The following SPTB variants were observed in gnomAD, a reference collection of about 807,000 sequenced individuals.
SPTB encodes spectrin beta, erythrocytic.
In SPTB, 45 loss-of-function variants were observed where a neutral mutation model predicts 256.2. That is an observed-to-expected ratio of 0.18 (90% confidence interval 0.14 to 0.23). SPTB has a LOEUF of 0.23. SPTB is among the 10% of genes least tolerant of loss of function. The probability of loss-of-function intolerance (pLI) is 1.00; values close to 1 mark genes in which losing one functional copy is unlikely to be tolerated. For missense variants in SPTB, 2,715 were observed against 3,040.4 expected (o/e 0.89, Z 2.52); for synonymous variants, 1,231 against 1,243.1 (o/e 0.99, Z 0.21).
In SPTB at chr14:64,782,436, G is replaced by A. The variant is rs1221558226; in HGVS notation, c.4120C>T (p.His1374Tyr). The A allele has an allele frequency of 6.2e-7, 1 of 1,614,022 alleles. No individual in the cohort carries two copies. Among genetic ancestry groups the A allele is most frequent in the Admixed American group, 1.7e-5 (1 of 60,012 alleles). ...LQATTKEKTQHLSAARSSDLR... is the reference protein window; with the variant it reads ...LQATTKEKTQYLSAARSSDLR... ...TCGGAGCTCCTGGCAGCCGAGAGGT[G>A]CTGGGTCTTCTCCTTTGTGGTGGCC... The change falls in exon 20 of 36, where the codon CAC becomes TAC. Residue 1374 changes from histidine to tyrosine, a missense_variant. Coordinates refer to ENST00000644917, the MANE Select transcript of SPTB (RefSeq NM_001355436.2).
chr14:64,868,869 A>G (rs1439761883), intron 1 of SPTB, among the ~76,000 whole-genome samples: 1 of 152,214 alleles, frequency 6.6e-6, no homozygotes, highest in African/African-American at 2.4e-5. Flanking sequence ...ATGTCAAATA[A>G]CTACATTGGA....
intron 1 of SPTB, among the ~76,000 whole-genome samples, chr14:64,829,161 AATTT>A (rs2083414082): frequency 6.6e-6 from 1 of 152,196 alleles, no homozygotes; most frequent in Non-Finnish European, 1.5e-5. Flanking sequence ...GTTGAACCTG[AATTT>A]ATTAATAATT....
rs2285004 is a variant in SPTB, at chr14:64,806,141, G to C, written c.149-1051C>G. On this transcript the variant is annotated intron_variant, in intron 2 of 35. Transcript: ENST00000644917. This position sits in a 1 kb window ranked among gnomAD's most constrained non-coding sequence, Gnocchi z 4.1. ...AGACTGGGATGGCACAAAAAAAAGA[G>C]AGAGAAAAGGATAGAGGAGGGGAGA... Among the ~76,000 whole-genome samples, 2 of 150,850 alleles carry C rather than the reference G, an allele frequency of 1.3e-5. No individual in the cohort carries two copies. The highest frequency in any genetic ancestry group is 2.5e-5 in the African/African-American group (1 of 40,660).
intron 33 of SPTB, chr14:64,752,377 CAGAG>C (rs66500825): frequency 0.11 from 78,037 of 730,980 alleles, 5,029 homozygotes; most frequent in African/African-American, 0.16. Flanking sequence ...TCTGGAAGGT[CAGAG>C]AGAGAAACTG....
chr14:64,858,469 T>C (rs568821623), intron 1 of SPTB, among the ~76,000 whole-genome samples: 2 of 152,036 alleles, frequency 1.3e-5, no homozygotes, highest in Non-Finnish European at 2.9e-5. Flanking sequence ...TCAGGAGCAG[T>C]AGGAGGCCCT....
chr14:64,794,283 G>A (rs374805122), intron 13 of SPTB, among the ~76,000 whole-genome samples, 184 bp downstream of exon 13: 7 of 152,310 alleles, frequency 4.6e-5, no homozygotes, highest in East Asian at 1.9e-4. Context: ...ATAGGTTACC[G>A]AAGCAGTTGC....
At chr14:64,865,560 TA>T (rs1366661268) in intron 1 of SPTB, among the ~76,000 whole-genome samples, 1 of 152,100 alleles carries the variant, frequency 6.6e-6, no homozygotes, top group Admixed American at 6.5e-5. Context: ...TGAGAGCAGC[TA>T]AACCAAGGCT....
Position 64,790,574 on chromosome 14 carries a change from C to T in SPTB, c.2804+1145G>A, listed in dbSNP as rs760983650. Among the ~76,000 whole-genome samples, 15 of 152,264 alleles carry T rather than the reference C, an allele frequency of 9.9e-5. No homozygotes were observed. Among genetic ancestry groups the T allele is most frequent in the Non-Finnish European group, 1.6e-4 (11 of 68,052 alleles). On this transcript the variant is annotated intron_variant, in intron 15 of 35. Coordinates refer to ENST00000644917, the MANE Select transcript of SPTB (RefSeq NM_001355436.2). This position sits in a 1 kb window ranked among gnomAD's most constrained non-coding sequence, Gnocchi z 4.8. Reference sequence around the variant, plus strand: ...TAAGACAATCATCCCATTCTAGTGGCTCTAAAGAATTCTGGTCATCGCTGC... The same window carrying T: ...TAAGACAATCATCCCATTCTAGTGGTTCTAAAGAATTCTGGTCATCGCTGC...
rs1286869604 is a variant in SPTB, at chr14:64,777,372, G to A, written c.4563+1785C>T. ...CCTGATTGCCCACTGAATAATCCAG[G>A]GAAACAGATGCAGCTAGGGGCCTAC... is the stretch of plus-strand genomic sequence containing the variant. On this transcript the variant is annotated intron_variant, in intron 22 of 35. Transcript: ENST00000644917. This position sits in a 1 kb window ranked among gnomAD's most constrained non-coding sequence, Gnocchi z 4.5. 6.6e-6 allele frequency among the ~76,000 whole-genome samples: 1 copy of A among 152,176 alleles called. No individual in the cohort carries two copies. Among genetic ancestry groups the A allele is most frequent in the Non-Finnish European group, 1.5e-5 (1 of 68,030 alleles).
Position 64,760,501 on chromosome 14 carries a change from G to A in SPTB, c.6345+6225C>T, listed in dbSNP as rs2082078304. On this transcript the variant is annotated intron_variant, in intron 32 of 35. Coordinates refer to ENST00000644917, the MANE Select transcript of SPTB (RefSeq NM_001355436.2). This position sits in a 1 kb window ranked among gnomAD's most constrained non-coding sequence, Gnocchi z 4.3. ...GATGCATTTACAAGCAAAGAACACA[G>A]GCGACAAGGTCTTCTCTCTAAAGGT... is the stretch of plus-strand genomic sequence containing the variant. Among the ~76,000 whole-genome samples, 1 of 152,172 alleles carries A rather than the reference G, an allele frequency of 6.6e-6. No homozygotes were observed. The highest frequency in any genetic ancestry group is 2.4e-5 in the African/African-American group (1 of 41,454).
At position 64,826,189 on chromosome 14, in the gene SPTB, G is replaced by T. The variant is rs533881556; in HGVS notation, c.-51-3044C>A. Among the ~76,000 whole-genome samples, 5 of 152,238 alleles carry T rather than the reference G, an allele frequency of 3.3e-5. No individual in the cohort carries two copies. The South Asian group carries it at 8.3e-4, about 25-fold the overall frequency. ...GGAAGGGAAGCTCTCGGAGAATCAG[G>T]TGTAAGAGGCAGGAAGGAAATAAAT... On this transcript the variant is annotated intron_variant, in intron 1 of 35. Coordinates refer to ENST00000644917, the MANE Select transcript of SPTB (RefSeq NM_001355436.2). The surrounding 1 kb of genome is among the most constrained non-coding windows in gnomAD (Gnocchi z 4.4).
intron 1 of SPTB, among the ~76,000 whole-genome samples, chr14:64,828,637 C>T (rs765893393): frequency 3.9e-4 from 59 of 152,226 alleles, no homozygotes; most frequent in African/African-American, 1.2e-3. Flanking sequence ...TTAATATCTA[C>T]ATTTACAGAA....
intron 1 of SPTB, among the ~76,000 whole-genome samples, chr14:64,828,471 C>T (rs2083405736): frequency 6.6e-6 from 1 of 152,124 alleles, no homozygotes; most frequent in Non-Finnish European, 1.5e-5. Context: ...CACTGGGAAC[C>T]ATTAAAGGAG....
rs139040006 is a variant in SPTB, at chr14:64,813,672, G to A, written c.149-8582C>T. 1.3e-3 allele frequency among the ~76,000 whole-genome samples: 194 copies of A among 152,268 alleles called. No homozygotes were observed. In the Middle Eastern group the frequency reaches 0.017, roughly 13 times the overall value. ...CAGGTAGCTGGGACTACAGGCAAGC[G>A]CCACCACGCCCAGCTAAATTTTTTT... On this transcript the variant is annotated intron_variant, in intron 2 of 35. Coordinates refer to ENST00000644917, the MANE Select transcript of SPTB (RefSeq NM_001355436.2).
chr14:64,868,874 A>C (rs1352924545), intron 1 of SPTB, among the ~76,000 whole-genome samples: 2 of 152,244 alleles, frequency 1.3e-5, no homozygotes, highest in Admixed American at 1.3e-4. Flanking sequence ...AAATAACTAC[A>C]TTGGAAGTAG....
At chr14:64,783,560 T>C (rs1178888718) in intron 19 of SPTB, among the ~76,000 whole-genome samples, 1 of 152,188 alleles carries the variant, frequency 6.6e-6, no homozygotes, top group Admixed American at 6.5e-5. Context: ...AAATGTTTCA[T>C]TTGTCTTTAA....
chr14:64,811,980 T>A (rs1030755673), intron 2 of SPTB, among the ~76,000 whole-genome samples: 2 of 152,240 alleles, frequency 1.3e-5, no homozygotes, highest in Non-Finnish European at 2.9e-5. Context: ...TTCTAGGAAT[T>A]TATCCTACAG....
rs1321485594 is a variant in SPTB at position 64,823,566 on chromosome 14, G to A, written c.-51-421C>T. On this transcript the variant is annotated intron_variant, in intron 1 of 35. Coordinates refer to ENST00000644917, the MANE Select transcript of SPTB (RefSeq NM_001355436.2). This position sits in a 1 kb window ranked among gnomAD's most constrained non-coding sequence, Gnocchi z 6.5. ...CTAGGCCAGGACCTAACCTGGTGGG[G>A]GAGATGGGGACAGGCCAGGGGAAGG... is the stretch of plus-strand genomic sequence containing the variant. Among the ~76,000 whole-genome samples, 1 of 152,200 alleles carries A rather than the reference G, an allele frequency of 6.6e-6. No individual in the cohort carries two copies. The highest frequency in any genetic ancestry group is 1.5e-5 in the Non-Finnish European group (1 of 68,040).
intron 13 of SPTB, among the ~76,000 whole-genome samples, chr14:64,794,144 T>G (rs1360887668): frequency 1.3e-5 from 2 of 152,172 alleles, no homozygotes; most frequent in Non-Finnish European, 2.9e-5. Flanking sequence ...TTAAAAAAAT[T>G]TCAAGGTCAT....
Sources: allele counts gnomAD v4.1 joint callset (sites outside exome capture counted in the v4.1 genomes callset), GRCh38; gene constraint gnomAD v4.1.1; non-coding constraint Gnocchi (gnomAD v3.1); transcripts MANE v1.5; gene names NCBI Gene and HGNC (gene_info 2026-07-23, HGNC 2026-07-21).